DST: variants seen among roughly 807,000 people sequenced by gnomAD.
The protein encoded by DST is dystonin, also known as bullous pemphigoid antigen.
In DST, 253 loss-of-function variants were observed where a neutral mutation model predicts 875.2. The observed-to-expected ratio is 0.29, with a 90% CI of 0.26 to 0.32. DST has a LOEUF of 0.32. Ranked by LOEUF, DST falls within the 10% of genes least tolerant of loss-of-function variation. The pLI is 1.00. For missense variants in DST, 8,287 were observed against 9,111.6 expected (o/e 0.91, Z 3.68); for synonymous variants, 3,124 against 3,197.1 (o/e 0.98, Z 0.77).
chr6:56,468,299 TATTG>T lies in DST; in HGVS notation c.22569+679_22569+682del, dbSNP rs2094693513. 4.0e-5 allele frequency among the ~76,000 whole-genome samples: 6 copies of T among 151,896 alleles called. No individual in the cohort carries two copies. The South Asian group carries it at 1.3e-3, about 32-fold the overall frequency. ...CTTAAATGTCAACATAAACATTTTA[TATTG>T]ACTTAAGTGCCAATAATATAAATAT... On this transcript the variant is annotated intron_variant, in intron 98 of 103. Coordinates refer to ENST00000680361, the MANE Select transcript of DST (RefSeq NM_001374736.1).
chr6:56,903,336 A>AT (rs1794972250), intron 2 of DST, among the ~76,000 whole-genome samples: 1 of 152,232 alleles, frequency 6.6e-6, no homozygotes, highest in South Asian at 2.1e-4. Context: ...AATGACAGAG[A>AT]TTAAAACATG....
intron 5 of DST, among the ~76,000 whole-genome samples, chr6:56,718,168 T>G (rs953100305): frequency 1.3e-5 from 2 of 152,176 alleles, no homozygotes; most frequent in African/African-American, 4.8e-5. Context: ...GAGGCTGCAA[T>G]GAGCTATGAT....
At chr6:56,600,372 A>G (rs942720923) in intron 44 of DST, among the ~76,000 whole-genome samples, 151 bp from the exon 45 acceptor site, 6 of 152,058 alleles carry the variant, frequency 3.9e-5, no homozygotes, top group African/African-American at 1.2e-4. Context: ...GTACAAACTG[A>G]GCAAGGTGAG....
At chr6:56,870,315 G>C (rs1776410966) in intron 3 of DST, among the ~76,000 whole-genome samples, 1 of 151,832 alleles carries the variant, frequency 6.6e-6, no homozygotes, top group African/African-American at 2.4e-5. Flanking sequence ...GAGCACAAGG[G>C]GAGGGACAAT....
At chr6:56,561,204 A>G in intron 57 of DST, 104 bp downstream of exon 57, 1 of 1,267,406 alleles carries the variant, frequency 7.9e-7, no homozygotes, top group Non-Finnish European at 1.1e-6. Flanking sequence ...AAGGTTACAG[A>G]GCTAGAAAAG....
rs1338294691 is a variant in DST at position 56,458,078 on chromosome 6, T to A, written c.*927A>T. On this transcript the variant is annotated 3_prime_UTR_variant, in exon 104 of 104. Coordinates refer to ENST00000680361, the MANE Select transcript of DST (RefSeq NM_001374736.1). The stretch of plus-strand genomic sequence containing the variant: ...CACATAATAAATTAAAATGTATATA[T>A]TTATTAAATATAGATAGATATAATA... The A allele has an allele frequency of 6.6e-6, 1 of 152,436 alleles. No homozygotes were observed. Among genetic ancestry groups the A allele is most frequent in the Non-Finnish European group, 1.5e-5 (1 of 68,008 alleles). The allele number at this position is 152,436 out of a possible 1,614,324, so 9.4% of individuals were successfully genotyped here.
intron 8 of DST, among the ~76,000 whole-genome samples, chr6:56,701,491 T>C (rs1360670974): frequency 6.6e-6 from 1 of 150,680 alleles, no homozygotes; most frequent in Non-Finnish European, 1.5e-5. Flanking sequence ...AGTATTTTTA[T>C]AAAAATTAAC....
In DST at chr6:56,595,305, A is replaced by T. The variant is rs77373748; in HGVS notation, c.12196-1112T>A. On this transcript the variant is annotated intron_variant, in intron 47 of 103. Coordinates refer to ENST00000680361, the MANE Select transcript of DST (RefSeq NM_001374736.1). ...TCTTTCATCAGATATCTGCTTGGCT[A>T]ATTGCACCCATCTCCATTGAGTCCC... Among the ~76,000 whole-genome samples the T allele has an allele frequency of 8.5e-3, 1,293 of 151,912 alleles. 23 individuals are homozygous for T. Among genetic ancestry groups the T allele is most frequent in the African/African-American group, 0.03 (1,248 of 41,378 alleles).
chr6:56,480,371 C>T (rs1248474833), intron 90 of DST, among the ~76,000 whole-genome samples: 2 of 152,192 alleles, frequency 1.3e-5, no homozygotes, highest in African/African-American at 4.8e-5. Context: ...CTTTCAATCA[C>T]TTCTACACCT....
At chr6:56,523,568 T>C (rs1562542648) in intron 69 of DST, among the ~76,000 whole-genome samples, 1 of 152,150 alleles carries the variant, frequency 6.6e-6, no homozygotes, top group Non-Finnish European at 1.5e-5. Flanking sequence ...GTTCACAAAG[T>C]GCTTATGCTT....
chr6:56,500,741 A>G (rs1439282915), intron 80 of DST, among the ~76,000 whole-genome samples: 2 of 152,120 alleles, frequency 1.3e-5, no homozygotes, highest in Non-Finnish European at 2.9e-5. Flanking sequence ...TAACAACTTT[A>G]AAAAATAGGT....
chr6:56,851,115 A>G, intron 4 of DST: 2 of 459,830 alleles, frequency 4.3e-6, no homozygotes, highest in Non-Finnish European at 7.8e-6. Flanking sequence ...TGCAGTAATT[A>G]GGAAAGTTTA....
Position 56,593,843 on chromosome 6 carries a change from T to C in DST, c.12546A>G (p.Glu4182=), listed in dbSNP as rs751368596. ...TKLKRQKSFS[E]DVISHKGDLR... Reference sequence around the variant, plus strand: ...AGTCACCTTTGTGAGAAATAACGTCTTCTGAGAAACTCTTCTGCCTCTTCA... The same window carrying C: ...AGTCACCTTTGTGAGAAATAACGTCCTCTGAGAAACTCTTCTGCCTCTTCA... The change falls in exon 48 of 104, where the codon GAA becomes GAG. Residue 4182 remains glutamate, a synonymous_variant. Transcript: ENST00000680361. 2.2e-5 allele frequency: 36 copies of C among 1,613,848 alleles called. No individual in the cohort carries two copies. Among genetic ancestry groups the C allele is most frequent in the Non-Finnish European group, 2.9e-5 (34 of 1,179,876 alleles).
intron 22 of DST, among the ~76,000 whole-genome samples, chr6:56,637,085 A>AAAACAAAACAAAC (rs2098832759): frequency 6.7e-6 from 1 of 150,228 alleles, no homozygotes; most frequent in Admixed American, 6.6e-5. Flanking sequence ...CTCCACCTCA[A>AAAACAAAACAAAC]AAAACAAAAA....
Position 56,795,394 on chromosome 6 carries a change from A to T in DST, c.625+56003T>A, listed in dbSNP as rs148487097. 1.2e-4 allele frequency among the ~76,000 whole-genome samples: 18 copies of T among 152,312 alleles called. No individual in the cohort carries two copies. The East Asian group carries it at 3.5e-3, about 29-fold the overall frequency. ...AACAAGATTTTTAAAATAATAGATCAGAAGAACGGGAGAAAATAAAATTTT... is the reference window on the plus strand; with the variant it reads ...AACAAGATTTTTAAAATAATAGATCTGAAGAACGGGAGAAAATAAAATTTT... On this transcript the variant is annotated intron_variant, in intron 4 of 103. Coordinates refer to ENST00000680361, the MANE Select transcript of DST (RefSeq NM_001374736.1).
intron 9 of DST, among the ~76,000 whole-genome samples, chr6:56,686,725 G>T (rs2099189610): frequency 6.6e-6 from 1 of 152,164 alleles, no homozygotes; most frequent in Non-Finnish European, 1.5e-5. Context: ...AGAATGCTCT[G>T]TGTCTAAAGG....
intron 2 of DST, among the ~76,000 whole-genome samples, chr6:56,926,794 T>C (rs989888566): frequency 6.6e-6 from 1 of 152,100 alleles, no homozygotes. Context: ...GAGGATATGC[T>C]CTCCTCAAAC....
chr6:56,560,583 C>T, intron 57 of DST, 160 bp from the exon 58 acceptor site: 4 of 670,642 alleles, frequency 6.0e-6, no homozygotes, highest in South Asian at 4.4e-5. Context: ...ATTTTCCTTT[C>T]CTCTTCTTAG....
chr6:56,780,737 C>T (rs1287924684), intron 4 of DST, among the ~76,000 whole-genome samples: 2 of 150,168 alleles, frequency 1.3e-5, no homozygotes, highest in Non-Finnish European at 3.0e-5. Flanking sequence ...TTAATTAGAT[C>T]CCATTTGTCA....
Sources: gnomAD v4.1 joint callset for allele counts (sites outside exome capture counted in the v4.1 genomes callset) on GRCh38, gnomAD v4.1.1 for gene constraint, MANE v1.5 for transcripts, NCBI Gene and HGNC (gene_info 2026-07-23, HGNC 2026-07-21) for gene names.